The following PDE9A variants were observed in gnomAD, a reference collection of about 807,000 sequenced individuals.
PDE9A encodes the protein phosphodiesterase 9A, also known as high affinity cGMP-specific 3',5'-cyclic phosphodiesterase 9A.
A neutral mutation model predicts 87.4 loss-of-function variants in PDE9A; 60 were observed. The ratio of observed to expected loss-of-function variants is 0.69; its 90% CI spans 0.56 to 0.85. The LOEUF (loss-of-function observed/expected upper bound fraction) is 0.85, where lower values mean the gene tolerates loss of function less well. Among genes scored for constraint, PDE9A ranks in the 40% least tolerant of loss-of-function variants. The pLI is 0.00. For missense variants in PDE9A, 665 were observed against 779.0 expected (o/e 0.85, Z 1.74); for synonymous variants, 272 against 279.4 (o/e 0.97, Z 0.27).
In PDE9A at chr21:42,653,713, G is replaced by A; in HGVS notation, c.-102G>A. 3.4e-6 allele frequency: 1 copy of A among 292,972 alleles called. No homozygotes were observed. The highest frequency in any genetic ancestry group is 6.4e-6 in the Non-Finnish European group (1 of 157,274). The allele number at this position is 292,972 out of a possible 1,614,324, so 18.1% of individuals were successfully genotyped here. A position where few individuals can be genotyped will look rare whatever the true frequency, so the allele number is the denominator to read the frequency against. Reference sequence around the variant, plus strand: ...TGTGGTTGGCTGAGCGCCGCGGGCCGCCCCCCGCCCGCCCCCTCCCCTGCT... The same window carrying A: ...TGTGGTTGGCTGAGCGCCGCGGGCCACCCCCCGCCCGCCCCCTCCCCTGCT... On this transcript the variant is annotated 5_prime_UTR_variant, in exon 1 of 20. Transcript: ENST00000291539.
rs1491146319 is a variant in PDE9A at position 42,769,173 on chromosome 21, CAT to C, written c.1590+19_1590+20del. ...TGACCAAGGTGAGTAACTGTCACCA[CAT>C]GTCACACTTGCTTACACTCAGATAC... On this transcript the variant is annotated intron_variant, in intron 17 of 19. Coordinates refer to ENST00000291539, the MANE Select transcript of PDE9A (RefSeq NM_002606.3). The C allele has an allele frequency of 2.1e-4, 340 of 1,609,456 alleles. 2 individuals are homozygous for C. The South Asian group carries it at 2.2e-3, about 11-fold the overall frequency.
In PDE9A at chr21:42,723,939, C is replaced by T. The variant is rs887794011; in HGVS notation, c.263-7831C>T. On this transcript the variant is annotated intron_variant, in intron 4 of 19. Transcript: ENST00000291539. The surrounding 1 kb of genome is among the most constrained non-coding windows in gnomAD (Gnocchi z 4.3). ...TTAATTTTTAAAATTCATTATACGT[C>T]CTGCAGCATTTAGGAAAAAGAGGGA... Among the ~76,000 whole-genome samples the T allele has an allele frequency of 6.6e-6, 1 of 152,136 alleles. No individual in the cohort carries two copies. The highest frequency in any genetic ancestry group is 2.4e-5 in the African/African-American group (1 of 41,416).
At chr21:42,655,912 A>T (rs918534703) in intron 1 of PDE9A, among the ~76,000 whole-genome samples, 5 of 150,778 alleles carry the variant, frequency 3.3e-5, no homozygotes, top group African/African-American at 1.2e-4. Context: ...TCCTAGCTGG[A>T]CTGTGAGTCC....
chr21:42,735,684 T>C (rs565734432), intron 7 of PDE9A, among the ~76,000 whole-genome samples: 34 of 152,340 alleles, frequency 2.2e-4, no homozygotes, highest in East Asian at 5.8e-4. Flanking sequence ...CTAGGTCTTA[T>C]AAAGATGCCT....
At chr21:42,730,149 A>G (rs2051564605) in intron 4 of PDE9A, among the ~76,000 whole-genome samples, 1 of 152,204 alleles carries the variant, frequency 6.6e-6, no homozygotes, top group African/African-American at 2.4e-5. Flanking sequence ...GTAAAACCCT[A>G]TGATGATTCT....
intron 3 of PDE9A, 132 bp from the exon 4 acceptor site, chr21:42,698,836 A>T (rs541204153): frequency 7.3e-6 from 4 of 547,070 alleles, no homozygotes; most frequent in East Asian, 3.0e-5. Flanking sequence ...AAGCTAATTT[A>T]AAAAATAAAA....
At chr21:42,715,300 C>A (rs1325281670) in intron 4 of PDE9A, among the ~76,000 whole-genome samples, 1 of 151,254 alleles carries the variant, frequency 6.6e-6, no homozygotes, top group East Asian at 1.9e-4. Context: ...AGACATTCAG[C>A]CTCTGCCACC....
At chr21:42,736,451 C>G (rs2052451533) in intron 7 of PDE9A, among the ~76,000 whole-genome samples, 1 of 152,194 alleles carries the variant, frequency 6.6e-6, no homozygotes, top group Non-Finnish European at 1.5e-5. Context: ...CAGAGGGAAG[C>G]ATCTTCCCAT....
chr21:42,661,182 C>T (rs35112502), intron 1 of PDE9A, among the ~76,000 whole-genome samples: 8,378 of 152,130 alleles, frequency 0.055, 310 homozygotes, highest in Middle Eastern at 0.1. Context: ...CAGGCGCCTG[C>T]CACCAGGCCC....
chr21:42,703,181 AGGGAG>A (rs2048515758), intron 4 of PDE9A, among the ~76,000 whole-genome samples: 1 of 152,220 alleles, frequency 6.6e-6, no homozygotes, highest in Non-Finnish European at 1.5e-5. Flanking sequence ...GCCACGGCCC[AGGGAG>A]GGGGTTGCTG....
At chr21:42,726,779 T>G (rs1439237337) in intron 4 of PDE9A, among the ~76,000 whole-genome samples, 7 of 150,682 alleles carry the variant, frequency 4.6e-5, no homozygotes, top group Admixed American at 2.7e-4. Context: ...ATTTATAATT[T>G]CAGTGTCTAC....
In PDE9A at chr21:42,671,898, G is replaced by A. The variant is rs550685172; in HGVS notation, c.70-14294G>A. ...TCTGCTAGTGGGTTGCGTTTGGCTG[G>A]TCCTGCAGGCTGATTTGGTCTGTTC... On this transcript the variant is annotated intron_variant, in intron 1 of 19. Transcript: ENST00000291539. 2.0e-5 allele frequency among the ~76,000 whole-genome samples: 3 copies of A among 152,262 alleles called. No homozygotes were observed. In the South Asian group the frequency reaches 6.2e-4, roughly 32 times the overall value.
intron 1 of PDE9A, among the ~76,000 whole-genome samples, chr21:42,657,468 C>T (rs552218535): frequency 1.3e-5 from 2 of 152,356 alleles, no homozygotes; most frequent in Admixed American, 1.3e-4. Context: ...TTCGTCTTTC[C>T]CCAGAGGATT....
chr21:42,774,405 C>T lies in PDE9A; in HGVS notation c.1769-875C>T, dbSNP rs190594500. Reference sequence around the variant, plus strand: ...GCCAGAGGCAATAATACCATTGTTACTGCTGTTTTAGTGATTAAACAGTCA... The same window carrying T: ...GCCAGAGGCAATAATACCATTGTTATTGCTGTTTTAGTGATTAAACAGTCA... On this transcript the variant is annotated intron_variant, in intron 19 of 19. Coordinates refer to ENST00000291539, the MANE Select transcript of PDE9A (RefSeq NM_002606.3). 2.6e-5 allele frequency among the ~76,000 whole-genome samples: 4 copies of T among 152,330 alleles called. No individual in the cohort carries two copies. The East Asian group carries it at 7.7e-4, about 29-fold the overall frequency.
intron 10 of PDE9A, among the ~76,000 whole-genome samples, chr21:42,755,725 A>G (rs371316111): frequency 3.3e-5 from 5 of 152,276 alleles, no homozygotes; most frequent in East Asian, 1.9e-4. Context: ...CAGCAAGTAG[A>G]CACCGCAGAC....
At position 42,760,756 on chromosome 21, in the gene PDE9A, A is replaced by AC. The variant is rs34765923; in HGVS notation, c.1003-62dup. On this transcript the variant is annotated intron_variant, in intron 12 of 19. Transcript: ENST00000291539. This position sits in a 1 kb window ranked among gnomAD's most constrained non-coding sequence, Gnocchi z 5.2. ...CCCCGCTTACCACTCACCCAATTCC[A>AC]CCCCCCCTCACCCCATCCCACCCTC... 8.7e-6 allele frequency: 7 copies of AC among 804,210 alleles called. No individual in the cohort carries two copies. The highest frequency in any genetic ancestry group is 5.5e-5 in the East Asian group (2 of 36,192). 49.8% of individuals were successfully genotyped at this position (804,210 alleles called of 1,614,324 possible).
intron 8 of PDE9A, 136 bp downstream of exon 8, chr21:42,743,996 AGT>A (rs2053587068): frequency 3.2e-6 from 2 of 620,280 alleles, no homozygotes; most frequent in Non-Finnish European, 5.9e-6. Context: ...GGGAGAGTGC[AGT>A]CTGGAGGCAG....
chr21:42,761,695 G>A (rs1052951003), intron 13 of PDE9A, among the ~76,000 whole-genome samples: 1 of 152,170 alleles, frequency 6.6e-6, no homozygotes, highest in Non-Finnish European at 1.5e-5. Context: ...CACTCACAGT[G>A]GCCGGCACAG....
At chr21:42,715,152 C>G (rs1419288220) in intron 4 of PDE9A, among the ~76,000 whole-genome samples, 1 of 149,374 alleles carries the variant, frequency 6.7e-6, no homozygotes, top group East Asian at 1.9e-4. Context: ...CATTATTTTT[C>G]CTCGGCTGTT....
Sources: gnomAD v4.1 joint callset for allele counts (sites outside exome capture counted in the v4.1 genomes callset) on GRCh38, gnomAD v4.1.1 for gene constraint, Gnocchi (gnomAD v3.1) non-coding constraint, MANE v1.5 for transcripts, NCBI Gene and HGNC (gene_info 2026-07-23, HGNC 2026-07-21) for gene names.